GRM1: variants seen among roughly 807,000 people sequenced by gnomAD.
GRM1 encodes glutamate metabotropic receptor 1, also known as metabotropic glutamate receptor 1.
GRM1 carries 33 observed loss-of-function variants against 90.9 expected under a neutral mutation model. The ratio of observed to expected loss-of-function variants is 0.36; its 90% CI spans 0.28 to 0.49. GRM1 has a LOEUF of 0.49. Among genes scored for constraint, GRM1 ranks in the 20% least tolerant of loss-of-function variants. The pLI is 0.99. For missense variants in GRM1, 1,190 were observed against 1,534.3 expected (o/e 0.78, Z 3.75); for synonymous variants, 700 against 613.2 (o/e 1.14, Z -2.09).
At chr6:146,360,176 G>A (rs1200244226) in intron 5 of GRM1, among the ~76,000 whole-genome samples, 1 of 152,022 alleles carries the variant, frequency 6.6e-6, no homozygotes, top group Admixed American at 6.6e-5. Flanking sequence ...CTTTAGGAAA[G>A]GGTTATTTTA....
chr6:146,098,792 CT>C, intron 1 of GRM1, among the ~76,000 whole-genome samples: 1 of 152,086 alleles, frequency 6.6e-6, no homozygotes, highest in African/African-American at 2.4e-5. Context: ...TTATAAGAGG[CT>C]TTTCCCCCTT....
At chr6:146,111,824 G>A (rs1203186541) in intron 1 of GRM1, among the ~76,000 whole-genome samples, 3 of 152,142 alleles carry the variant, frequency 2.0e-5, no homozygotes, top group Non-Finnish European at 2.9e-5. Context: ...TGGCTGTTGG[G>A]GGTGTTGAAT....
chr6:146,262,598 A>G (rs1028610769), intron 2 of GRM1, among the ~76,000 whole-genome samples: 2 of 151,968 alleles, frequency 1.3e-5, no homozygotes, highest in Admixed American at 6.6e-5. Context: ...TGTATATATT[A>G]TACACTCAAC....
At chr6:146,275,517 T>G (rs757271226) in intron 2 of GRM1, among the ~76,000 whole-genome samples, 5 of 152,034 alleles carry the variant, frequency 3.3e-5, no homozygotes, top group African/African-American at 9.7e-5. Flanking sequence ...TTTCTCTCTC[T>G]CGCTCTCTGT....
rs575631642 is a variant in GRM1 at position 146,431,240 on chromosome 6, C to T, written c.2661-2632C>T. 2.0e-5 allele frequency among the ~76,000 whole-genome samples: 3 copies of T among 152,186 alleles called. No homozygotes were observed. The South Asian group carries it at 6.2e-4, about 32-fold the overall frequency. On this transcript the variant is annotated intron_variant, in intron 7 of 7. Transcript: ENST00000282753. ...AAATCTAGAGCAAGACTGAGGGGAACGAAAGTTACCAGTTTTGAAGGCCAT... is the reference window on the plus strand; with the variant it reads ...AAATCTAGAGCAAGACTGAGGGGAATGAAAGTTACCAGTTTTGAAGGCCAT...
chr6:146,165,333 C>G lies in GRM1; in HGVS notation c.950+5736C>G, dbSNP rs531624473. ...CCTTGAAACATAAGATTATATACCACGGTGTTATGTTTCATATACTTTTTA... is the reference window on the plus strand; with the variant it reads ...CCTTGAAACATAAGATTATATACCAGGGTGTTATGTTTCATATACTTTTTA... On this transcript the variant is annotated intron_variant, in intron 2 of 7. Transcript: ENST00000282753. Among the ~76,000 whole-genome samples the G allele has an allele frequency of 2.0e-5, 3 of 152,050 alleles. No individual in the cohort carries two copies. The East Asian group carries it at 5.8e-4, about 29-fold the overall frequency.
At chr6:146,058,059 T>G (rs1775540004) in intron 1 of GRM1, among the ~76,000 whole-genome samples, 1 of 152,128 alleles carries the variant, frequency 6.6e-6, no homozygotes, top group Non-Finnish European at 1.5e-5. Context: ...TTTCCGTCTC[T>G]CTGGACTTCT....
intron 1 of GRM1, among the ~76,000 whole-genome samples, chr6:146,124,117 A>G (rs1776106535): frequency 1.3e-5 from 2 of 152,214 alleles, no homozygotes; most frequent in African/African-American, 2.4e-5. Context: ...CTTCATAACT[A>G]TGCAAATTCA....
intron 1 of GRM1, among the ~76,000 whole-genome samples, chr6:146,045,134 G>C (rs961746010): frequency 2.0e-5 from 3 of 151,854 alleles, no homozygotes; most frequent in East Asian, 1.9e-4. Flanking sequence ...CTGCAAAATC[G>C]TTTATATATG....
At position 146,294,668 on chromosome 6, in the gene GRM1, AAGAG is replaced by A. The variant is rs1439647964; in HGVS notation, c.951-9937_951-9934del. On this transcript the variant is annotated intron_variant, in intron 2 of 7. Coordinates refer to ENST00000282753, the MANE Select transcript of GRM1 (RefSeq NM_001278064.2). ...TAACAGAGTAGTAAGTTAGATTACA[AAGAG>A]AGAGATTCACATAGAGGCGAGAGAT... Among the ~76,000 whole-genome samples the A allele has an allele frequency of 4.6e-5, 7 of 152,270 alleles. No homozygotes were observed. The South Asian group carries it at 6.2e-4, about 14-fold the overall frequency.
At position 146,029,107 on chromosome 6, in the gene GRM1, A is replaced by G. The variant is rs763002088; in HGVS notation, c.-411A>G. On this transcript the variant is annotated 5_prime_UTR_variant, in exon 1 of 8. Coordinates refer to ENST00000282753, the MANE Select transcript of GRM1 (RefSeq NM_001278064.2). ...ATCAGGATGTGCCGAAATGAAACGG[A>G]CAAGGCAACTGTTAACATTATAGAC... 2.1e-5 allele frequency: 6 copies of G among 286,122 alleles called. No homozygotes were observed. The highest frequency in any genetic ancestry group is 4.1e-5 in the Non-Finnish European group (6 of 147,292). 17.7% of individuals were successfully genotyped at this position (286,122 alleles called of 1,614,324 possible). A position where few individuals can be genotyped will look rare whatever the true frequency, so the allele number is the denominator to read the frequency against.
rs190482545 is a variant in GRM1, at chr6:146,293,916, T to A, written c.951-10695T>A. Among the ~76,000 whole-genome samples, 580 of 151,650 alleles carry A rather than the reference T, an allele frequency of 3.8e-3. 3 individuals are homozygous for A. The highest frequency in any genetic ancestry group is 5.1e-3 in the African/African-American group (211 of 41,512). On this transcript the variant is annotated intron_variant, in intron 2 of 7. Transcript: ENST00000282753. ...TTTTTCATAGTATTTTAAATAATTT[T>A]AAAAAAAATTTATCCTGTATCTGAA...
intron 3 of GRM1, among the ~76,000 whole-genome samples, chr6:146,334,421 A>G (rs550007067): frequency 6.6e-6 from 1 of 152,354 alleles, no homozygotes; most frequent in Non-Finnish European, 1.5e-5. Flanking sequence ...AATTAAAAAA[A>G]TTCAAAAATC....
At chr6:146,414,503 C>A (rs895940710) in intron 7 of GRM1, among the ~76,000 whole-genome samples, 1 of 151,832 alleles carries the variant, frequency 6.6e-6, no homozygotes, top group East Asian at 1.9e-4. Context: ...TCCGGGTTCA[C>A]GCCATTCTCC....
chr6:146,434,159 C>A lies in GRM1; in HGVS notation c.2948C>A (p.Pro983Gln). Residue 983 changes from proline to glutamine, a missense_variant, in exon 8 of 8, where the codon CCA (proline) becomes CAA (glutamine). By Grantham distance (76) the Pro-to-Gln change is moderately conservative (BLOSUM62 -1). Transcript: ENST00000282753. Reference sequence around the variant, plus strand: ...TCCATGGTGGTGCACAGGCGCGTGCCAAGCGCGGCGACCACTCCGCCTCTG... The same window carrying A: ...TCCATGGTGGTGCACAGGCGCGTGCAAAGCGCGGCGACCACTCCGCCTCTG... ...SPSMVVHRRV[P>Q]SAATTPPLPS... 1 of 1,613,848 alleles carries A rather than the reference C, an allele frequency of 6.2e-7. No homozygotes were observed. The highest frequency in any genetic ancestry group is 1.1e-5 in the South Asian group (1 of 91,084).
At chr6:146,139,643 C>T (rs1232592563) in intron 1 of GRM1, among the ~76,000 whole-genome samples, 1 of 152,072 alleles carries the variant, frequency 6.6e-6, no homozygotes, top group African/African-American at 2.4e-5. Flanking sequence ...TTTATGTCTT[C>T]CATTTGCATG....
At chr6:146,135,051 A>G (rs1776567436) in intron 1 of GRM1, among the ~76,000 whole-genome samples, 2 of 152,230 alleles carry the variant, frequency 1.3e-5, no homozygotes, top group Non-Finnish European at 2.9e-5. Context: ...GCAACTTAAG[A>G]TAAGATTTGG....
chr6:146,173,697 C>T (rs558538450), intron 2 of GRM1, among the ~76,000 whole-genome samples: 156 of 144,308 alleles, frequency 1.1e-3, no homozygotes, highest in African/African-American at 3.7e-3. Context: ...GACAGAGTCT[C>T]GCCCTGTTGC....
chr6:146,146,595 C>T (rs1777117286), intron 1 of GRM1, among the ~76,000 whole-genome samples: 1 of 152,130 alleles, frequency 6.6e-6, no homozygotes, highest in African/African-American at 2.4e-5. Flanking sequence ...TATGTTGAAA[C>T]TTAATCCCCA....
Sources: allele counts gnomAD v4.1 joint callset (sites outside exome capture counted in the v4.1 genomes callset), GRCh38; gene constraint gnomAD v4.1.1; transcripts MANE v1.5; gene names NCBI Gene and HGNC (gene_info 2026-07-23, HGNC 2026-07-21).